Variants in JPH3 observed in about 807,000 individuals in gnomAD.
The protein encoded by JPH3 is junctophilin 3, also known as junctophilin-3.
Under a neutral mutation model 59.6 loss-of-function variants are expected in JPH3, and 11 were observed. The ratio of observed to expected loss-of-function variants is 0.18; its 90% CI spans 0.12 to 0.31. The LOEUF is 0.31. JPH3 is among the 10% of genes least tolerant of loss of function. The probability of loss-of-function intolerance (pLI) is 1.00; values close to 1 mark genes in which losing one functional copy is unlikely to be tolerated. For missense variants in JPH3, 1,202 were observed against 1,105.7 expected (o/e 1.09, Z -1.24); for synonymous variants, 673 against 483.6 (o/e 1.39, Z -5.14).
chr16:87,696,206 AG>A (rs2033843555), intron 4 of JPH3: 1 of 443,824 alleles, frequency 2.3e-6, no homozygotes, highest in Admixed American at 2.5e-5. Context: ...TCCACAGGGC[AG>A]GAGAAGCCTG....
chr16:87,662,886 T>C (rs2032749964), intron 2 of JPH3, among the ~76,000 whole-genome samples: 1 of 152,216 alleles, frequency 6.6e-6, no homozygotes, highest in Non-Finnish European at 1.5e-5. Context: ...TTCCACTGCC[T>C]GCAGGGAAAA....
chr16:87,693,086 C>G (rs1382346973), intron 4 of JPH3, among the ~76,000 whole-genome samples: 1 of 152,268 alleles, frequency 6.6e-6, no homozygotes, highest in Admixed American at 6.5e-5. Context: ...ACTCACAATA[C>G]ACCTGCCTGA....
chr16:87,662,929 C>T (rs2032751524), intron 2 of JPH3, among the ~76,000 whole-genome samples: 1 of 152,174 alleles, frequency 6.6e-6, no homozygotes, highest in African/African-American at 2.4e-5. Flanking sequence ...TCCAGCACCC[C>T]TTCGGGGCTG....
chr16:87,604,419 C>G, intron 1 of JPH3: 1 of 1,402,886 alleles, frequency 7.1e-7, no homozygotes, highest in Non-Finnish European at 9.4e-7. Flanking sequence ...GTGCACCTGA[C>G]ACGCATGGAG....
intron 1 of JPH3, among the ~76,000 whole-genome samples, chr16:87,627,505 C>T (rs1473046931): frequency 6.6e-6 from 1 of 152,128 alleles, no homozygotes; most frequent in African/African-American, 2.4e-5. Flanking sequence ...AAGTGCAGAC[C>T]CGTTCCTCCC....
At chr16:87,645,107 C>A in intron 2 of JPH3, 72 bp downstream of exon 2, 1 of 1,464,364 alleles carries the variant, frequency 6.8e-7, no homozygotes, top group East Asian at 2.3e-5. Context: ...CTGTTCAGTC[C>A]TGCTGTCGCT....
At chr16:87,656,178 ACT>A (rs373986461) in intron 2 of JPH3, among the ~76,000 whole-genome samples, 211 of 152,166 alleles carry the variant, frequency 1.4e-3, no homozygotes, top group Non-Finnish European at 2.4e-3. Context: ...CTCAGAGCAC[ACT>A]CTGTGTTGCA....
In JPH3 at chr16:87,648,937, G is replaced by A. The variant is rs866415413; in HGVS notation, c.1160+3902G>A. The stretch of plus-strand genomic sequence containing the variant: ...AGATGCTGCTGGCCTGAGCGTCCCC[G>A]GCTGTCTCCTGTCTGGTGTGGGTGC... On this transcript the variant is annotated intron_variant, in intron 2 of 4. Coordinates refer to ENST00000284262, the MANE Select transcript of JPH3 (RefSeq NM_020655.4). Among the ~76,000 whole-genome samples, 49 of 152,224 alleles carry A rather than the reference G, an allele frequency of 3.2e-4. 1 individual carries two copies. The highest frequency in any genetic ancestry group is 3.1e-3 in the Admixed American group (47 of 15,288).
At chr16:87,626,248 T>A (rs16943082) in intron 1 of JPH3, among the ~76,000 whole-genome samples, 1 of 152,128 alleles carries the variant, frequency 6.6e-6, no homozygotes, top group Non-Finnish European at 1.5e-5. Context: ...TGATATTTCA[T>A]TGTGCACACG....
At position 87,684,276 on chromosome 16, in the gene JPH3, G is replaced by A. The variant is rs144764804; in HGVS notation, c.1285+10G>A. The A allele has an allele frequency of 1.2e-5, 20 of 1,613,388 alleles. No homozygotes were observed. In the East Asian group the frequency reaches 2.9e-4, roughly 23 times the overall value. On this transcript the variant is annotated intron_variant, in intron 3 of 4. Transcript: ENST00000284262. Reference sequence around the variant, plus strand: ...CAGCACCGGGAAAACGGTGAGTCTCGCCGGGCCTGATACTGGCATCGTGGG... The same window carrying A: ...CAGCACCGGGAAAACGGTGAGTCTCACCGGGCCTGATACTGGCATCGTGGG...
At chr16:87,677,797 C>G (rs1369458861) in intron 2 of JPH3, among the ~76,000 whole-genome samples, 3 of 152,218 alleles carry the variant, frequency 2.0e-5, no homozygotes, top group Non-Finnish European at 4.4e-5. Context: ...GTGTACCAGG[C>G]AGACCCGCTC....
intron 1 of JPH3, among the ~76,000 whole-genome samples, chr16:87,616,148 C>T (rs926895861): frequency 1.4e-4 from 21 of 147,122 alleles, no homozygotes; most frequent in Non-Finnish European, 2.4e-4. Context: ...GGCCCGGGAA[C>T]GACATTGTCT....
chr16:87,639,642 G>C (rs7192813), intron 1 of JPH3, among the ~76,000 whole-genome samples: 2 of 95,476 alleles, frequency 2.1e-5, no homozygotes, highest in African/African-American at 6.5e-5. Flanking sequence ...CTGGCCTCCC[G>C]CCTGTCCTCC....
chr16:87,633,999 A>C (rs1220716320), intron 1 of JPH3, among the ~76,000 whole-genome samples: 1 of 152,190 alleles, frequency 6.6e-6, no homozygotes, highest in Non-Finnish European at 1.5e-5. Flanking sequence ...AGCGACCCGA[A>C]TACCTTGCGG....
At chr16:87,653,544 A>AG (rs1292645424) in intron 2 of JPH3, 2 of 152,146 alleles carry the variant, frequency 1.3e-5, no homozygotes, top group African/African-American at 4.8e-5. Flanking sequence ...CCTGAAATGG[A>AG]GGGGGATATT....
chr16:87,656,624 C>G (rs1319908596), intron 2 of JPH3, among the ~76,000 whole-genome samples: 2 of 152,174 alleles, frequency 1.3e-5, no homozygotes, highest in African/African-American at 4.8e-5. Flanking sequence ...GAGGCCCTGG[C>G]TTGGGTTCAA....
rs755158194 is a variant in JPH3, at chr16:87,690,404, C to A, written c.2044C>A (p.Arg682=). The change falls in exon 4 of 5, where the codon CGG becomes AGG. Residue 682 remains arginine, a synonymous_variant. Transcript: ENST00000284262. ...CGCCGTGCAGAAACTGGCGAGCCTGCGGCTGGGCGGGGCCGAGCCCCGGTT... is the reference window on the plus strand; with the variant it reads ...CGCCGTGCAGAAACTGGCGAGCCTGAGGCTGGGCGGGGCCGAGCCCCGGTT... ...EPAVQKLASL[R]LGGAEPRLLR... is the part of the protein sequence containing the mutation. 1 of 1,509,690 alleles carries A rather than the reference C, an allele frequency of 6.6e-7. No homozygotes were observed. The highest frequency in any genetic ancestry group is 2.3e-5 in the Admixed American group (1 of 43,870). 93.5% of individuals were successfully genotyped at this position (1,509,690 alleles called of 1,614,324 possible). A position where few individuals can be genotyped will look rare whatever the true frequency, so the allele number is the denominator to read the frequency against.
chr16:87,630,991 T>C (rs1191973043), intron 1 of JPH3, among the ~76,000 whole-genome samples: 1 of 152,256 alleles, frequency 6.6e-6, no homozygotes, highest in East Asian at 1.9e-4. Context: ...TTCTCATGCA[T>C]AACTTGAGTT....
At chr16:87,636,576 C>T (rs140492753) in intron 1 of JPH3, among the ~76,000 whole-genome samples, 4 of 152,308 alleles carry the variant, frequency 2.6e-5, no homozygotes, top group African/African-American at 9.6e-5. Flanking sequence ...GCTTTGGTGC[C>T]CTCTGCTGTG....
Sources: allele counts gnomAD v4.1 joint callset (sites outside exome capture counted in the v4.1 genomes callset), GRCh38; gene constraint gnomAD v4.1.1; transcripts MANE v1.5; gene names NCBI Gene and HGNC (gene_info 2026-07-23, HGNC 2026-07-21).